The following FOXO1 variants were observed in gnomAD, a reference collection of about 807,000 sequenced individuals.
The protein encoded by FOXO1 is forkhead box O1, also known as forkhead box protein O1.
FOXO1 carries 6 observed loss-of-function variants against 44.1 expected under a neutral mutation model. That is an observed-to-expected ratio of 0.14 (90% CI 0.07 to 0.27). FOXO1 has a LOEUF of 0.27. Among genes scored for constraint, FOXO1 ranks in the 10% least tolerant of loss-of-function variants. The pLI is 1.00. For missense variants in FOXO1, 737 were observed against 888.8 expected, an observed-to-expected ratio of 0.83 and a Z score of 2.17; for synonymous variants, 380 against 362.7, an observed-to-expected ratio of 1.05 and a Z score of -0.54.
In FOXO1 at chr13:40,560,901, T is replaced by C. The variant is rs3751436; in HGVS notation, c.631-41A>G. The C allele has an allele frequency of 0.035, 53,311 of 1,534,698 alleles. 3,953 individuals are homozygous for C. The East Asian group carries it at 0.35, about 10-fold the overall frequency. Reference sequence around the variant, plus strand: ...TCTTATTAGAAGTACAATACTTCTCTGCTTGCAAAACTTCCTATTCTACAT... The same window carrying C: ...TCTTATTAGAAGTACAATACTTCTCCGCTTGCAAAACTTCCTATTCTACAT... On this transcript the variant is annotated intron_variant, in intron 1 of 2. Coordinates refer to ENST00000379561, the MANE Select transcript of FOXO1 (RefSeq NM_002015.4). The surrounding 1 kb of genome is among the most constrained non-coding windows in gnomAD (Gnocchi z 5.1).
intron 1 of FOXO1, among the ~76,000 whole-genome samples, chr13:40,590,670 C>T (rs1875332782): frequency 1.3e-5 from 2 of 152,188 alleles, no homozygotes; most frequent in African/African-American, 4.8e-5. Context: ...TCAGCTTTGC[C>T]GTCAACGGGA....
intron 1 of FOXO1, among the ~76,000 whole-genome samples, chr13:40,642,067 T>C (rs1008571370): frequency 1.7e-4 from 26 of 152,222 alleles, no homozygotes; most frequent in African/African-American, 6.3e-4. Flanking sequence ...CTCAACTTCG[T>C]GTCTCAGTTT....
intron 1 of FOXO1, among the ~76,000 whole-genome samples, chr13:40,561,502 C>T (rs1441219805): frequency 6.6e-6 from 1 of 151,902 alleles, no homozygotes; most frequent in African/African-American, 2.4e-5. Context: ...TGCTTAGCTA[C>T]AATAGTACTC....
chr13:40,665,988 G>C lies in FOXO1; in HGVS notation c.225C>G (p.Ser75Arg), dbSNP rs1218986039. ...GGAAGTCCTCGCTCTCCTCCAGCAA[G>C]CTCAGGTTGCTCATGAAGTCGGCGC... ...AVSADFMSNL[S>R]LLEESEDFPQ... The change falls in exon 1 of 3, where the codon AGC becomes AGG. Residue 75 changes from serine to arginine, a missense_variant. Around this residue, in one of 7 missense-constraint regions of FOXO1, gnomAD observed 213 missense variants for 236.4 expected, o/e 0.90. Coordinates refer to ENST00000379561, the MANE Select transcript of FOXO1 (RefSeq NM_002015.4). 8.7e-6 allele frequency: 11 copies of C among 1,257,254 alleles called. No homozygotes were observed. The highest frequency in any genetic ancestry group is 2.7e-4 in the Middle Eastern group (1 of 3,756). 77.9% of individuals were successfully genotyped at this position (1,257,254 alleles called of 1,614,324 possible). A position where few individuals can be genotyped will look rare whatever the true frequency, so the allele number is the denominator to read the frequency against.
Position 40,557,966 on chromosome 13 carries a change from TAAG to T in FOXO1, c.*1080_*1082del, listed in dbSNP as rs1873822506. 1 of 152,486 alleles carries T rather than the reference TAAG, an allele frequency of 6.6e-6. No individual in the cohort carries two copies. Among genetic ancestry groups the T allele is most frequent in the African/African-American group, 2.4e-5 (1 of 41,464 alleles). The allele number at this position is 152,486 out of a possible 1,614,324, so 9.4% of individuals were successfully genotyped here. ...TAAAAACATATTAAGTTATCCTAAA[TAAG>T]AAACGCAAAGTGTCCATAACTATAC... On this transcript the variant is annotated 3_prime_UTR_variant, in exon 3 of 3. Transcript: ENST00000379561.
chr13:40,595,359 G>C (rs1052194829), intron 1 of FOXO1, among the ~76,000 whole-genome samples: 1 of 152,084 alleles, frequency 6.6e-6, no homozygotes, highest in Non-Finnish European at 1.5e-5. Context: ...AACATACAAG[G>C]GATCATCAGG....
At chr13:40,598,051 A>C (rs1875649302) in intron 1 of FOXO1, among the ~76,000 whole-genome samples, 1 of 152,170 alleles carries the variant, frequency 6.6e-6, no homozygotes, top group African/African-American at 2.4e-5. Flanking sequence ...TCAGTTTCAA[A>C]TCATAGGCTA....
intron 1 of FOXO1, among the ~76,000 whole-genome samples, chr13:40,575,204 G>A (rs537249258): frequency 6.6e-6 from 1 of 152,074 alleles, no homozygotes; most frequent in South Asian, 2.1e-4. Context: ...AGTTAGGTGT[G>A]GTGTTGCACA....
chr13:40,611,335 TAAAC>T (rs994539930), intron 1 of FOXO1, among the ~76,000 whole-genome samples: 33 of 152,200 alleles, frequency 2.2e-4, no homozygotes, highest in Non-Finnish European at 3.4e-4. Flanking sequence ...AACAAACAAA[TAAAC>T]AAACTTAAGA....
intron 1 of FOXO1, among the ~76,000 whole-genome samples, chr13:40,627,994 G>C (rs1354469288): frequency 6.6e-6 from 1 of 152,084 alleles, no homozygotes; most frequent in Non-Finnish European, 1.5e-5. Context: ...GTTGGCAGGG[G>C]AACCGTGTGT....
At chr13:40,655,916 T>A (rs1877845493) in intron 1 of FOXO1, among the ~76,000 whole-genome samples, 1 of 152,136 alleles carries the variant, frequency 6.6e-6, no homozygotes, top group Non-Finnish European at 1.5e-5. Flanking sequence ...GGATTACAGG[T>A]GTGAGCCACC....
intron 1 of FOXO1, among the ~76,000 whole-genome samples, chr13:40,577,052 T>C (rs1292201496): frequency 6.6e-6 from 1 of 152,200 alleles, no homozygotes; most frequent in Non-Finnish European, 1.5e-5. Flanking sequence ...AAAATACTCA[T>C]GCATTAGTCA....
At chr13:40,661,916 G>A (rs1326775380) in intron 1 of FOXO1, among the ~76,000 whole-genome samples, 1 of 152,066 alleles carries the variant, frequency 6.6e-6, no homozygotes, top group Non-Finnish European at 1.5e-5. Flanking sequence ...GCTTACGCAT[G>A]TAATCTCTGC....
intron 1 of FOXO1, among the ~76,000 whole-genome samples, chr13:40,646,108 A>G (rs1001962560): frequency 1.1e-4 from 16 of 152,184 alleles, no homozygotes; most frequent in Admixed American, 2.0e-4. Context: ...CATTTAGTGA[A>G]TAATTGAGAA....
At chr13:40,645,957 C>T (rs933128660) in intron 1 of FOXO1, among the ~76,000 whole-genome samples, 1 of 151,816 alleles carries the variant, frequency 6.6e-6, no homozygotes, top group Non-Finnish European at 1.5e-5. Flanking sequence ...CCCAGCTACT[C>T]CGGTGAGGCT....
chr13:40,662,399 T>C (rs1169133808), intron 1 of FOXO1, among the ~76,000 whole-genome samples: 1 of 152,122 alleles, frequency 6.6e-6, no homozygotes, highest in Non-Finnish European at 1.5e-5. Flanking sequence ...AGGCTTTCTA[T>C]GTGAAAAAAC....
At chr13:40,614,745 T>C (rs2137894710) in intron 1 of FOXO1, among the ~76,000 whole-genome samples, 3 of 152,260 alleles carry the variant, frequency 2.0e-5, no homozygotes, top group Admixed American at 2.0e-4. Flanking sequence ...AAGAAAACAA[T>C]GAAAGCCAAG....
At chr13:40,636,283 C>A (rs937191262) in intron 1 of FOXO1, among the ~76,000 whole-genome samples, 1 of 152,044 alleles carries the variant, frequency 6.6e-6, no homozygotes, top group African/African-American at 2.4e-5. Flanking sequence ...GCTGTACAAC[C>A]TCAAACAAGG....
At chr13:40,563,620 T>C (rs994028183) in intron 1 of FOXO1, among the ~76,000 whole-genome samples, 2 of 152,148 alleles carry the variant, frequency 1.3e-5, no homozygotes, top group East Asian at 3.9e-4. Flanking sequence ...ACCCAAGATC[T>C]ACCCTCACCT....
Sources: allele counts gnomAD v4.1 joint callset (sites outside exome capture counted in the v4.1 genomes callset), GRCh38; gene constraint gnomAD v4.1.1; regional missense constraint gnomAD v4.1.1; non-coding constraint Gnocchi (gnomAD v3.1); transcripts MANE v1.5; gene names NCBI Gene and HGNC (gene_info 2026-07-23, HGNC 2026-07-21).